SERPIND1: variants seen among roughly 807,000 people sequenced by gnomAD.
The protein encoded by SERPIND1 is heparin cofactor 2.
A neutral mutation model predicts 35.0 loss-of-function variants in SERPIND1; 34 were observed. The ratio of observed to expected loss-of-function variants is 0.97; its 90% CI spans 0.74 to 1.29. The LOEUF (loss-of-function observed/expected upper bound fraction) is 1.29. Among genes scored for constraint, SERPIND1 ranks in the 50% most tolerant of loss-of-function variants. The probability of loss-of-function intolerance (pLI) is 0.00; values close to 1 mark genes in which losing one functional copy is unlikely to be tolerated. For synonymous variants in SERPIND1, 236 were observed against 241.1 expected, an observed-to-expected ratio of 0.98 and a Z score of 0.19; for missense variants, 633 against 637.7, an observed-to-expected ratio of 0.99 and a Z score of 0.08.
Position 20,786,104 on chromosome 22 carries a change from G to A in SERPIND1, c.1264G>A (p.Gly422Ser), listed in dbSNP as rs1283645272. ...GATCAGGATGCTGTTTGACAAAAAT[G>A]GCAACATGGCAGGCATCTCAGACCA... ...MGIRMLFDKN[G>S]NMAGISDQRI... is the part of the protein sequence containing the mutation. The change falls in exon 4 of 5, where the codon GGC becomes AGC. Residue 422 changes from glycine to serine, a missense_variant. Transcript: ENST00000215727. 1 of 1,613,982 alleles carries A rather than the reference G, an allele frequency of 6.2e-7. No individual in the cohort carries two copies. Among genetic ancestry groups the A allele is most frequent in the Non-Finnish European group, 8.5e-7 (1 of 1,180,034 alleles).
intron 1 of SERPIND1, among the ~76,000 whole-genome samples, chr22:20,774,435 TG>T (rs1274776909): frequency 1.3e-5 from 2 of 152,222 alleles, no homozygotes; most frequent in African/African-American, 4.8e-5. Context: ...AGAATATCCT[TG>T]CTCTTGGGTA....
chr22:20,778,282 C>T (rs178033), intron 1 of SERPIND1, among the ~76,000 whole-genome samples: 57,663 of 151,746 alleles, frequency 0.38, 11,435 homozygotes, highest in African/African-American at 0.48. Flanking sequence ...GGGTGGATCA[C>T]CTGAGGTCAG....
chr22:20,779,273 A>G, intron 1 of SERPIND1, 24 bp from the exon 2 acceptor site: 9 of 1,613,222 alleles, frequency 5.6e-6, no homozygotes, highest in Non-Finnish European at 1.7e-6. Context: ...GCCGCCTTTC[A>G]CTGTGTTCTG....
intron 1 of SERPIND1, among the ~76,000 whole-genome samples, chr22:20,775,396 T>C (rs1933186659): frequency 6.6e-6 from 1 of 152,234 alleles, no homozygotes; most frequent in African/African-American, 2.4e-5. Context: ...TCAGAGATAT[T>C]TTCTCCTTCC....
chr22:20,786,265 G>A (rs909920211), intron 4 of SERPIND1, 117 bp downstream of exon 4: 24 of 1,188,760 alleles, frequency 2.0e-5, no homozygotes, highest in African/African-American at 2.0e-4. Context: ...GGGGTGCTGA[G>A]TCTGCTCTTC....
intron 1 of SERPIND1, among the ~76,000 whole-genome samples, chr22:20,777,113 C>T (rs532976481): frequency 3.5e-4 from 53 of 151,778 alleles, no homozygotes; most frequent in Non-Finnish European, 6.9e-4. Flanking sequence ...GCAGTAGTGG[C>T]GTGATCACGG....
At chr22:20,777,802 GA>G (rs769363401) in intron 1 of SERPIND1, among the ~76,000 whole-genome samples, 4 of 152,204 alleles carry the variant, frequency 2.6e-5, no homozygotes, top group Non-Finnish European at 5.9e-5. Flanking sequence ...AAGTAAGCAA[GA>G]GAAAGACAAA....
rs1413108710 is a variant in SERPIND1 at position 20,784,222 on chromosome 22, A to G, written c.1140A>G (p.Arg380=). 1 of 1,614,042 alleles carries G rather than the reference A, an allele frequency of 6.2e-7. No individual in the cohort carries two copies. The highest frequency in any genetic ancestry group is 1.3e-5 in the African/African-American group (1 of 74,920). ...AACTGACACCCCGGGTGGTGGAGAG[A>G]TGGCAAAAAAGCATGACAAACAGGT... ...EAQLTPRVVE[R]WQKSMTNRTR... The change falls in exon 3 of 5, where the codon AGA becomes AGG. Residue 380 remains arginine, a synonymous_variant. Coordinates refer to ENST00000215727, the MANE Select transcript of SERPIND1 (RefSeq NM_000185.4).
At chr22:20,776,333 A>C (rs887110504) in intron 1 of SERPIND1, among the ~76,000 whole-genome samples, 1 of 152,146 alleles carries the variant, frequency 6.6e-6, no homozygotes, top group African/African-American at 2.4e-5. Context: ...TCTCAAAATA[A>C]AAATAAAAAG....
In SERPIND1 at chr22:20,779,821, AG is replaced by A. The variant is rs757907918; in HGVS notation, c.512del (p.Gly171GlufsTer35). On this transcript the variant is annotated frameshift_variant, in exon 2 of 5. Coordinates refer to ENST00000215727, the MANE Select transcript of SERPIND1 (RefSeq NM_000185.4). LOFTEE classifies it high-confidence loss of function. ...ATGGGTATGATTTCCTTAGGTCTGA[AG>A]GGAGAGACCCATGAACAAGTGCACT... ...TAMGMISLGLKGETHEQVHSI... is the reference protein window; with the variant it reads ...TAMGMISLGLXGETHEQVHSI... 5.0e-6 allele frequency: 8 copies of A among 1,614,242 alleles called. No individual in the cohort carries two copies. The South Asian group carries it at 7.7e-5, about 16-fold the overall frequency.
At position 20,785,896 on chromosome 22, in the gene SERPIND1, T is replaced by TA; in HGVS notation, c.1164-107dup. 3 of 1,462,992 alleles carry TA rather than the reference T, an allele frequency of 2.1e-6. No individual in the cohort carries two copies. The East Asian group carries it at 6.8e-5, about 33-fold the overall frequency. 90.6% of individuals were successfully genotyped at this position (1,462,992 alleles called of 1,614,324 possible). On this transcript the variant is annotated intron_variant, in intron 3 of 4. Coordinates refer to ENST00000215727, the MANE Select transcript of SERPIND1 (RefSeq NM_000185.4). The stretch of plus-strand genomic sequence containing the variant: ...GGAATATAAATTTTAATAAGTGCTA[T>TA]ATCAATTCTGTGATAAATATAACCC...
chr22:20,787,213 C>T lies in SERPIND1; in HGVS notation c.*147C>T, dbSNP rs1004071791. The T allele has an allele frequency of 9.4e-6, 7 of 745,296 alleles. No homozygotes were observed. The highest frequency in any genetic ancestry group is 3.5e-5 in the African/African-American group (2 of 57,458). The allele number at this position is 745,296 out of a possible 1,614,324, so 46.2% of individuals were successfully genotyped here. A position where few individuals can be genotyped will look rare whatever the true frequency, so the allele number is the denominator to read the frequency against. ...GGCCCATATGAGAGGAGCTTAGAAA[C>T]GACCAAGAAGAGAGGCTTGTTGGAA... On this transcript the variant is annotated 3_prime_UTR_variant, in exon 5 of 5. Coordinates refer to ENST00000215727, the MANE Select transcript of SERPIND1 (RefSeq NM_000185.4).
At chr22:20,778,488 A>G (rs1043926239) in intron 1 of SERPIND1, among the ~76,000 whole-genome samples, 1 of 152,158 alleles carries the variant, frequency 6.6e-6, no homozygotes, top group African/African-American at 2.4e-5. Flanking sequence ...TGGGTGACAG[A>G]GTGAGACTCC....
chr22:20,785,490 G>A (rs1361958873), intron 3 of SERPIND1, among the ~76,000 whole-genome samples: 1 of 152,162 alleles, frequency 6.6e-6, no homozygotes, highest in Non-Finnish European at 1.5e-5. Context: ...TTTATCCCCT[G>A]CAAAGTGCCA....
chr22:20,786,664 A>G (rs1934257437), intron 4 of SERPIND1, among the ~76,000 whole-genome samples: 1 of 152,148 alleles, frequency 6.6e-6, no homozygotes, highest in Non-Finnish European at 1.5e-5. Context: ...AGGCACTGCC[A>G]AGAGGGAACA....
Position 20,780,179 on chromosome 22 carries a change from T to G in SERPIND1, c.867T>G (p.Ile289Met). The G allele has an allele frequency of 6.2e-7, 1 of 1,614,218 alleles. No homozygotes were observed. Among genetic ancestry groups the G allele is most frequent in the Non-Finnish European group, 8.5e-7 (1 of 1,180,040 alleles). Residue 289 changes from isoleucine (I) to methionine (M), a missense_variant, in exon 2 of 5, where the codon ATT becomes ATG. Ile to Met is a conservative substitution (Grantham distance 10, BLOSUM62 1). Coordinates refer to ENST00000215727, the MANE Select transcript of SERPIND1 (RefSeq NM_000185.4). Reference protein sequence around the residue: ...ENIDPATQMMILNCIYFKGSW... With the variant: ...ENIDPATQMMMLNCIYFKGSW... ...TAGACCCTGCTACCCAGATGATGAT[T>G]CTCAACTGCATCTACTTCAAAGGTA...
chr22:20,782,929 C>T (rs1933910461), intron 2 of SERPIND1, among the ~76,000 whole-genome samples: 1 of 152,214 alleles, frequency 6.6e-6, no homozygotes, highest in African/African-American at 2.4e-5. Flanking sequence ...AAGACACCTC[C>T]TGCTCATCTC....
chr22:20,783,015 T>C (rs932230410), intron 2 of SERPIND1, among the ~76,000 whole-genome samples: 4 of 152,114 alleles, frequency 2.6e-5, no homozygotes, highest in African/African-American at 9.7e-5. Context: ...TTTCCTCATA[T>C]GTAAAAGAGG....
At position 20,784,018 on chromosome 22, in the gene SERPIND1, C is replaced by A; in HGVS notation, c.936C>A (p.Asn312Lys). ...KFPVEMTHNH[N>K]FRLNEREVVK... ...CAGTGGAAATGACACACAACCACAA[C>A]TTCCGGCTGAATGAGAGAGAGGTAG... is the stretch of plus-strand genomic sequence containing the variant. The change falls in exon 3 of 5, where the codon AAC becomes AAA. Residue 312 changes from asparagine to lysine, a missense_variant. Coordinates refer to ENST00000215727, the MANE Select transcript of SERPIND1 (RefSeq NM_000185.4). 1 of 1,614,190 alleles carries A rather than the reference C, an allele frequency of 6.2e-7. No homozygotes were observed. Among genetic ancestry groups the A allele is most frequent in the Non-Finnish European group, 8.5e-7 (1 of 1,180,036 alleles).
Sources: allele counts gnomAD v4.1 joint callset (sites outside exome capture counted in the v4.1 genomes callset), GRCh38; gene constraint gnomAD v4.1.1; transcripts MANE v1.5; gene names NCBI Gene and HGNC (gene_info 2026-07-23, HGNC 2026-07-21).